Variants in FRMPD4 observed in about 807,000 individuals in gnomAD.
FRMPD4 encodes FERM and PDZ domain containing 4.
In FRMPD4, 22 loss-of-function variants were observed where a neutral mutation model predicts 94.1. The observed-to-expected ratio is 0.23, with a 90% CI of 0.17 to 0.33. The LOEUF (loss-of-function observed/expected upper bound fraction) is 0.33, where lower values mean the gene tolerates loss of function less well. FRMPD4 is among the 10% of genes least tolerant of loss of function. The pLI is 1.00. For synonymous variants in FRMPD4, 631 were observed against 548.6 expected (o/e 1.15, Z -2.10); for missense variants, 1,111 against 1,339.9 (o/e 0.83, Z 2.67).
At chrX:12,680,959 G>A (rs182882769) in intron 5 of FRMPD4, among the ~76,000 whole-genome samples, 27 of 111,202 alleles carry the variant, frequency 2.4e-4, no homozygotes, top group Middle Eastern at 9.2e-3. Flanking sequence ...GGCACTCTAA[G>A]GTTATATCAA....
At chrX:12,215,769 C>G (rs1014467476) in intron 1 of FRMPD4, among the ~76,000 whole-genome samples, 1 of 111,774 alleles carries the variant, frequency 8.9e-6, no homozygotes, top group Non-Finnish European at 1.9e-5. Flanking sequence ...CTAAAATGAG[C>G]AGCCACATTT....
At chrX:12,472,523 G>T (rs1161226395) in intron 1 of FRMPD4, among the ~76,000 whole-genome samples, 2 of 111,590 alleles carry the variant, frequency 1.8e-5, no homozygotes, top group Non-Finnish European at 3.8e-5. Context: ...CAGAATTTAA[G>T]AAAGTACAGC....
intron 1 of FRMPD4, among the ~76,000 whole-genome samples, chrX:12,418,261 G>T (rs937161911): frequency 1.8e-5 from 2 of 109,490 alleles, no homozygotes; most frequent in African/African-American, 6.6e-5. Context: ...ACTGGCTAGT[G>T]CATGAAAGAG....
At chrX:12,253,727 A>G (rs756853389) in intron 1 of FRMPD4, among the ~76,000 whole-genome samples, 7 of 111,713 alleles carry the variant, frequency 6.3e-5, no homozygotes, top group Non-Finnish European at 1.1e-4. Flanking sequence ...TTCAGGAAGG[A>G]GTGAATGAAG....
chrX:11,894,824 C>T (rs747474129), intron 3 of FRMPD4, among the ~76,000 whole-genome samples: 8 of 111,905 alleles, frequency 7.1e-5, no homozygotes, highest in African/African-American at 1.6e-4. Context: ...AGGAACCACA[C>T]GTGGCTAGCA....
At chrX:12,694,771 T>C (rs2060111719) in intron 9 of FRMPD4, among the ~76,000 whole-genome samples, 1 of 112,174 alleles carries the variant, frequency 8.9e-6, no homozygotes, top group African/African-American at 3.2e-5. Flanking sequence ...TACAAATGTA[T>C]ATAATTTTTT....
intron 2 of FRMPD4, among the ~76,000 whole-genome samples, chrX:12,511,762 A>G (rs181117796): frequency 2.0e-4 from 14 of 69,968 alleles, no homozygotes; most frequent in African/African-American, 7.1e-4. Context: ...AAACTTGAGG[A>G]AAAAAAATGG....
chrX:11,921,755 A>T (rs5979488), intron 3 of FRMPD4, among the ~76,000 whole-genome samples: 5,532 of 112,346 alleles, frequency 0.049, 133 homozygotes, highest in East Asian at 0.15. Context: ...AATATGAACT[A>T]TAAATAAACT....
At chrX:12,284,196 C>T (rs1190507393) in intron 1 of FRMPD4, among the ~76,000 whole-genome samples, 1 of 111,347 alleles carries the variant, frequency 9.0e-6, no homozygotes, top group Non-Finnish European at 1.9e-5. Context: ...TAATATGGGC[C>T]TCAAATAGAA....
In FRMPD4 at chrX:12,130,614, G is replaced by A. The variant is rs770597318; in HGVS notation, c.95+252596G>A. Among the ~76,000 whole-genome samples the A allele has an allele frequency of 3.6e-5, 4 of 111,250 alleles. No homozygotes were observed. The South Asian group carries it at 1.5e-3, about 42-fold the overall frequency. The stretch of plus-strand genomic sequence containing the variant: ...TTAATAAGTAAAATAATAAATTTAT[G>A]AATGAGACTTCAAAAACTTGGAATA... On this transcript the variant is annotated intron_variant, in intron 3 of 18. Coordinates refer to the FRMPD4 transcript ENST00000640291.
chrX:12,126,781 T>C (rs1017172685), intron 3 of FRMPD4, among the ~76,000 whole-genome samples: 48 of 111,731 alleles, frequency 4.3e-4, no homozygotes, highest in Non-Finnish European at 7.9e-4. Flanking sequence ...CCTAATTCCA[T>C]CACGGCTATT....
intron 1 of FRMPD4, among the ~76,000 whole-genome samples, chrX:12,323,576 A>G (rs2055241705): frequency 9.0e-6 from 1 of 111,229 alleles, no homozygotes. Context: ...CTCCTTAACC[A>G]CTTCTCAACC....
chrX:12,555,252 T>C (rs2058583560), intron 2 of FRMPD4, among the ~76,000 whole-genome samples: 1 of 111,509 alleles, frequency 9.0e-6, no homozygotes. Flanking sequence ...AGTCATAGAA[T>C]GTCAGGGTGG....
chrX:12,583,402 T>C lies in FRMPD4; in HGVS notation c.159-26319T>C, dbSNP rs139695706. The C allele has an allele frequency of 5.3e-3, 5,904 of 1,110,638 alleles. 169 individuals carry two copies. In the African/African-American group the frequency reaches 0.084, roughly 16 times the overall value. 91.5% of individuals were successfully genotyped at this position (1,110,638 alleles called of 1,213,427 possible). ...CGGTCCAGGGAAGCTCCGCCAGTACTGGGCACACTCACCGAACATGGCTTC... is the reference window on the plus strand; with the variant it reads ...CGGTCCAGGGAAGCTCCGCCAGTACCGGGCACACTCACCGAACATGGCTTC... On this transcript the variant is annotated intron_variant, in intron 2 of 16. Coordinates refer to ENST00000675598, the MANE Select transcript of FRMPD4 (RefSeq NM_001368397.1).
chrX:12,066,384 AT>A (rs2054920346), intron 3 of FRMPD4, among the ~76,000 whole-genome samples: 1 of 112,116 alleles, frequency 8.9e-6, no homozygotes. Context: ...ATGATTGGAG[AT>A]AAACCCTTGA....
intron 9 of FRMPD4, among the ~76,000 whole-genome samples, chrX:12,699,369 T>A (rs970732677): frequency 8.9e-6 from 1 of 112,163 alleles, no homozygotes; most frequent in Non-Finnish European, 1.9e-5. Flanking sequence ...GGTTTAAGAT[T>A]TTAAGGAGAA....
intron 1 of FRMPD4, among the ~76,000 whole-genome samples, chrX:12,144,178 A>G (rs1423761531): frequency 8.9e-6 from 1 of 112,236 alleles, no homozygotes; most frequent in Non-Finnish European, 1.9e-5. Context: ...AAATAAAACC[A>G]GATAAGTGGA....
intron 1 of FRMPD4, among the ~76,000 whole-genome samples, chrX:12,312,193 T>C (rs776452745): frequency 1.8e-5 from 2 of 109,602 alleles, no homozygotes; most frequent in East Asian, 5.6e-4. Context: ...TTTATATTTT[T>C]ATTTATATAA....
At chrX:12,109,114 A>G (rs2055330351) in intron 3 of FRMPD4, among the ~76,000 whole-genome samples, 1 of 111,906 alleles carries the variant, frequency 8.9e-6, no homozygotes, top group Non-Finnish European at 1.9e-5. Flanking sequence ...AATCAACAGA[A>G]TATATATTCC....
Sources: gnomAD v4.1 joint callset for allele counts (sites outside exome capture counted in the v4.1 genomes callset) on GRCh38, gnomAD v4.1.1 for gene constraint, MANE v1.5 for transcripts, NCBI Gene and HGNC (gene_info 2026-07-23, HGNC 2026-07-21) for gene names.